Variants in OPA1 observed in about 807,000 individuals in gnomAD.
The protein encoded by OPA1 is OPA1 mitochondrial dynamin like GTPase.
OPA1 carries 59 observed loss-of-function variants against 152.9 expected under a neutral mutation model. That is an observed-to-expected ratio of 0.39 (90% CI 0.31 to 0.48). The LOEUF (loss-of-function observed/expected upper bound fraction) is 0.48, where lower values mean the gene tolerates loss of function less well. Among genes scored for constraint, OPA1 ranks in the 20% least tolerant of loss-of-function variants. The pLI is 0.96. For synonymous variants in OPA1, 400 were observed against 389.9 expected (o/e 1.03, Z -0.31); for missense variants, 1,008 against 1,216.8 (o/e 0.83, Z 2.55).
intron 1 of OPA1, among the ~76,000 whole-genome samples, chr3:193,594,745 ATAGT>A (rs1163799190): frequency 6.6e-6 from 1 of 152,220 alleles, no homozygotes; most frequent in Non-Finnish European, 1.5e-5. Context: ...TGAGATAACA[ATAGT>A]TAACAGTGTT....
chr3:193,652,394 CA>C lies in OPA1; in HGVS notation c.2013-2456del, dbSNP rs79320293. ...GAGACCCTGTCTGAAAACAAACAAA[CA>C]AAAAAAAAAAACCATAGAATATAGG... is the stretch of plus-strand genomic sequence containing the variant. On this transcript the variant is annotated intron_variant, in intron 21 of 30. Transcript: ENST00000361510. 2.5e-4 allele frequency among the ~76,000 whole-genome samples: 34 copies of C among 138,506 alleles called. 1 individual carries two copies. Among genetic ancestry groups the C allele is most frequent in the Middle Eastern group, 3.6e-3 (1 of 280 alleles). The allele number at this position is 138,506 out of a possible 152,430, so 90.9% of individuals were successfully genotyped here.
rs1722299325 is a variant in OPA1, at chr3:193,696,971, C to T, written c.*2371C>T. 1 of 152,160 alleles carries T rather than the reference C, an allele frequency of 6.6e-6. No individual in the cohort carries two copies. The highest frequency in any genetic ancestry group is 2.1e-4 in the South Asian group (1 of 4,824). 9.4% of individuals were successfully genotyped at this position (152,160 alleles called of 1,614,324 possible). ...CTTTCTAGTAGTTTATGATATTGCC[C>T]TCTTTGTATTCCCATTTTCTACAGT... On this transcript the variant is annotated 3_prime_UTR_variant, in exon 31 of 31. Coordinates refer to ENST00000361510, the MANE Select transcript of OPA1 (RefSeq NM_130837.3).
intron 1 of OPA1, among the ~76,000 whole-genome samples, chr3:193,609,510 T>C (rs1208735729): frequency 6.6e-6 from 1 of 152,230 alleles, no homozygotes; most frequent in African/African-American, 2.4e-5. Context: ...CTGACAATTA[T>C]GTGTCTTGGA....
At chr3:193,604,743 C>G (rs1726967625) in intron 1 of OPA1, among the ~76,000 whole-genome samples, 1 of 151,330 alleles carries the variant, frequency 6.6e-6, no homozygotes, top group Non-Finnish European at 1.5e-5. Context: ...GCCTGTAATC[C>G]CAGCTACTCG....
At chr3:193,678,155 G>A (rs947395654) in intron 29 of OPA1, among the ~76,000 whole-genome samples, 13 of 152,150 alleles carry the variant, frequency 8.5e-5, no homozygotes, top group African/African-American at 2.9e-4. Context: ...GAAGTTTGCT[G>A]TTTTGATTAA....
rs1454557954 is a variant in OPA1, at chr3:193,659,572, A to G, written c.2520+11A>G. Reference sequence around the variant, plus strand: ...CGGACCCAAGAACAGGTAGAAATAAACAAGTCTCTAGTCTTATGATGATAT... The same window carrying G: ...CGGACCCAAGAACAGGTAGAAATAAGCAAGTCTCTAGTCTTATGATGATAT... On this transcript the variant is annotated intron_variant, in intron 25 of 30. Coordinates refer to ENST00000361510, the MANE Select transcript of OPA1 (RefSeq NM_130837.3). The G allele has an allele frequency of 1.9e-6, 3 of 1,601,158 alleles. No homozygotes were observed. The highest frequency in any genetic ancestry group is 8.5e-7 in the Non-Finnish European group (1 of 1,170,136).
At chr3:193,675,464 C>T (rs188887678) in intron 29 of OPA1, among the ~76,000 whole-genome samples, 11 of 152,148 alleles carry the variant, frequency 7.2e-5, no homozygotes, top group Non-Finnish European at 1.2e-4. Context: ...GGGCTCACAA[C>T]ACCATTTCCT....
At chr3:193,676,700 G>A (rs1290075117) in intron 29 of OPA1, among the ~76,000 whole-genome samples, 1 of 152,174 alleles carries the variant, frequency 6.6e-6, no homozygotes, top group African/African-American at 2.4e-5. Flanking sequence ...CACCGTTGTG[G>A]CCGGGTGTGG....
At chr3:193,679,165 T>G (rs1335634505) in intron 29 of OPA1, among the ~76,000 whole-genome samples, 1 of 152,158 alleles carries the variant, frequency 6.6e-6, no homozygotes, top group Non-Finnish European at 1.5e-5. Flanking sequence ...CTTAGAGGAC[T>G]TAAGTGCAGC....
intron 21 of OPA1, among the ~76,000 whole-genome samples, 155 bp downstream of exon 21, chr3:193,649,026 T>G (rs1465040734): frequency 6.6e-6 from 1 of 152,164 alleles, no homozygotes; most frequent in African/African-American, 2.4e-5. Flanking sequence ...TCTAACTACT[T>G]TTGTAGTCTA....
intron 1 of OPA1, among the ~76,000 whole-genome samples, chr3:193,608,579 A>G (rs1727663678): frequency 6.6e-6 from 1 of 152,126 alleles, no homozygotes; most frequent in African/African-American, 2.4e-5. Context: ...AGTTTGTTAT[A>G]ATTTGTATTC....
intron 7 of OPA1, 115 bp from the exon 8 acceptor site, chr3:193,631,493 TTAAA>T (rs375637887): frequency 4.0e-5 from 26 of 657,314 alleles, no homozygotes; most frequent in East Asian, 2.2e-4. Context: ...ATTACTTTGA[TTAAA>T]TATGCATATA....
At chr3:193,669,084 A>G (rs986320965) in intron 29 of OPA1, among the ~76,000 whole-genome samples, 4 of 152,198 alleles carry the variant, frequency 2.6e-5, no homozygotes, top group African/African-American at 7.2e-5. Context: ...TAAATTAGAA[A>G]GAAGTTCTGC....
chr3:193,601,941 A>C (rs1183486054), intron 1 of OPA1, among the ~76,000 whole-genome samples: 2 of 152,212 alleles, frequency 1.3e-5, no homozygotes, highest in Non-Finnish European at 2.9e-5. Flanking sequence ...ATTAGCCCAC[A>C]AACCCAACAG....
In OPA1 at chr3:193,631,655, T is replaced by G. The variant is rs770377465; in HGVS notation, c.833T>G (p.Leu278Arg). The G allele has an allele frequency of 6.2e-7, 1 of 1,611,528 alleles. No individual in the cohort carries two copies. The highest frequency in any genetic ancestry group is 1.3e-5 in the African/African-American group (1 of 74,878). Residue 278 changes from leucine to arginine, a missense_variant, in exon 8 of 31, where the codon CTG becomes CGG. By Grantham distance (102) the Leu-to-Arg change is moderately radical. Coordinates refer to ENST00000361510, the MANE Select transcript of OPA1 (RefSeq NM_130837.3). ...EKIDQLQEELLHTQLKYQRIL... is the reference protein window; with the variant it reads ...EKIDQLQEELRHTQLKYQRIL... ...ATTGACCAACTTCAGGAAGAACTTC[T>G]GCACACTCAGGTAATCATGATGACT...
At chr3:193,646,029 G>A (rs145102534) in intron 18 of OPA1, among the ~76,000 whole-genome samples, 43 of 151,490 alleles carry the variant, frequency 2.8e-4, no homozygotes, top group Non-Finnish European at 2.7e-4. Flanking sequence ...TTCCTTGGAC[G>A]TGGGCACTGA....
At chr3:193,690,148 C>G (rs1246534020) in intron 29 of OPA1, among the ~76,000 whole-genome samples, 3 of 151,164 alleles carry the variant, frequency 2.0e-5, no homozygotes, top group African/African-American at 4.9e-5. Context: ...GGAAGTCAGC[C>G]TACCAAAAAA....
At chr3:193,632,443 T>C (rs867875411) in intron 8 of OPA1, among the ~76,000 whole-genome samples, 169 of 152,218 alleles carry the variant, frequency 1.1e-3, no homozygotes, top group African/African-American at 3.8e-3. Flanking sequence ...ATGGCGCCAC[T>C]GCACTCCAGC....
intron 7 of OPA1, among the ~76,000 whole-genome samples, chr3:193,628,859 A>C (rs6444733): frequency 0.52 from 78,616 of 152,020 alleles, 20,974 homozygotes; most frequent in African/African-American, 0.64. Context: ...ATGTTTTTAT[A>C]TTGTTTCCTA....
Sources: allele counts gnomAD v4.1 joint callset (sites outside exome capture counted in the v4.1 genomes callset), GRCh38; gene constraint gnomAD v4.1.1; transcripts MANE v1.5; gene names NCBI Gene and HGNC (gene_info 2026-07-23, HGNC 2026-07-21).